SAG: variants seen among roughly 807,000 people sequenced by gnomAD.
The protein encoded by SAG is S-antigen visual arrestin.
SAG carries 45 observed loss-of-function variants against 55.0 expected under a neutral mutation model. The observed-to-expected ratio is 0.82, with a 90% confidence interval of 0.64 to 1.05. The LOEUF is 1.05. SAG is among the 50% of genes least tolerant of loss of function. SAG has a pLI of 0.00. For missense variants in SAG, 455 were observed against 512.1 expected (o/e 0.89, Z 1.08); for synonymous variants, 189 against 197.4 (o/e 0.96, Z 0.36).
intron 6 of SAG, 107 bp downstream of exon 6, chr2:233,323,112 G>A: frequency 1.4e-6 from 1 of 739,744 alleles, no homozygotes; most frequent in Non-Finnish European, 2.3e-6. Flanking sequence ...ATGCTGGGGT[G>A]CAGTGGCGTG....
rs532666993 is a variant in SAG, at chr2:233,322,030, C to T, written c.376-916C>T. Among the ~76,000 whole-genome samples the T allele has an allele frequency of 8.4e-5, 9 of 106,716 alleles. No homozygotes were observed. The East Asian group carries it at 2.2e-3, about 26-fold the overall frequency. The allele number at this position is 106,716 out of a possible 152,430, so 70.0% of individuals were successfully genotyped here. ...ACACACACACACACACACACACACA[C>T]ACACACATTAGTCAGGCGTGGTGGC... On this transcript the variant is annotated intron_variant, in intron 5 of 15. Transcript: ENST00000409110.
At chr2:233,328,363 G>T in intron 7 of SAG, 115 bp from the exon 8 acceptor site, 1 of 1,313,256 alleles carries the variant, frequency 7.6e-7, no homozygotes, top group South Asian at 1.4e-5. Flanking sequence ...CGTCCACCCT[G>T]TCTCCATGGG....
At chr2:233,344,107 G>A (rs988770919) in intron 14 of SAG, 1 of 152,400 alleles carries the variant, frequency 6.6e-6, no homozygotes, top group Non-Finnish European at 1.5e-5. Context: ...TAAAAAGATA[G>A]TCACTTGAGG....
intron 6 of SAG, among the ~76,000 whole-genome samples, chr2:233,324,804 G>A (rs1405764753): frequency 6.6e-6 from 1 of 152,206 alleles, no homozygotes; most frequent in East Asian, 1.9e-4. Context: ...TGGATTATGG[G>A]ATGGGCAGTG....
intron 10 of SAG, 33 bp downstream of exon 10, chr2:233,331,745 C>T (rs536971942): frequency 3.3e-6 from 5 of 1,495,584 alleles, no homozygotes; most frequent in East Asian, 2.3e-5. Context: ...GTTTCCTGGG[C>T]GTCTCAGCCT....
chr2:233,312,445 G>T (rs1448803129), intron 2 of SAG, among the ~76,000 whole-genome samples: 9 of 152,214 alleles, frequency 5.9e-5, no homozygotes, highest in Admixed American at 5.9e-4. Flanking sequence ...TGAGGATTAA[G>T]TGAAACCATG....
chr2:233,313,628 C>T (rs1391697795), intron 2 of SAG, among the ~76,000 whole-genome samples: 1 of 151,802 alleles, frequency 6.6e-6, no homozygotes. Context: ...TCACTGCAGC[C>T]TCAACCTCCT....
rs536965492 is a variant in SAG at position 233,338,902 on chromosome 2, T to C, written c.1022+149T>C. On this transcript the variant is annotated intron_variant, in intron 12 of 15. Transcript: ENST00000409110. The stretch of plus-strand genomic sequence containing the variant: ...ACCAAGTAGAGCTTGGGAGAGATTC[T>C]GTTTGTCTAGTACCATGCTTCTGTC... 9.1e-4 allele frequency: 673 copies of C among 740,014 alleles called. 6 individuals carry two copies. Among genetic ancestry groups the C allele is most frequent in the Non-Finnish European group, 8.3e-5 (34 of 408,466 alleles). The allele number at this position is 740,014 out of a possible 1,614,324, so 45.8% of individuals were successfully genotyped here.
At chr2:233,344,786 C>A (rs1394397928) in intron 14 of SAG, 1 of 152,192 alleles carries the variant, frequency 6.6e-6, no homozygotes, top group African/African-American at 2.4e-5. Flanking sequence ...TGTAGTTAAG[C>A]CCTGCTGGAG....
intron 5 of SAG, among the ~76,000 whole-genome samples, chr2:233,321,993 ACACACACACACAC>A: frequency 4.9e-5 from 1 of 20,612 alleles, no homozygotes; most frequent in Non-Finnish European, 1.1e-4. Context: ...AAATACACAC[ACACACACACACAC>A]ACACACACAC....
At chr2:233,332,753 C>A (rs940437799) in intron 10 of SAG, 1 of 152,012 alleles carries the variant, frequency 6.6e-6, no homozygotes, top group Non-Finnish European at 1.5e-5. Context: ...CCTTTGCCTC[C>A]TGGGTTCAAG....
Position 233,340,456 on chromosome 2 carries a change from T to C in SAG, c.1024T>C (p.Phe342Leu). The part of the protein sequence containing the change: ...QIKVKLTVSG[F>L]LGELTSSEVA... The stretch of plus-strand genomic sequence containing the variant: ...CAGGCGTTTGTTTGTGTTTTCTAGC[T>C]TTCTGGGAGAGCTCACCTCCAGGTA... The change falls in exon 13 of 16, where the codon TTT becomes CTT. Residue 342 changes from phenylalanine to leucine, a missense_variant and splice_region_variant. Physicochemically the swap from Phe to Leu is conservative, Grantham distance 22 (BLOSUM62 0). Coordinates refer to ENST00000409110, the MANE Select transcript of SAG (RefSeq NM_000541.5). The surrounding 1 kb of genome is among the most constrained non-coding windows in gnomAD (Gnocchi z 4.2). 1 of 1,611,344 alleles carries C rather than the reference T, an allele frequency of 6.2e-7. No homozygotes were observed.
At position 233,346,164 on chromosome 2, in the gene SAG, T is replaced by TAATAAAATAA. The variant is rs71058547; in HGVS notation, c.1103-234_1103-225dup. The TAATAAAATAA allele has an allele frequency of 0.31, 62,335 of 203,814 alleles. 11,322 individuals are homozygous for TAATAAAATAA. The highest frequency in any genetic ancestry group is 0.42 in the South Asian group (2,293 of 5,404). The allele number at this position is 203,814 out of a possible 1,614,324, so 12.6% of individuals were successfully genotyped here. ...AGAGACAGTCTCAAATAAAATAAAA[T>TAATAAAATAA]AATAAAATAAAATATAAAATAAATA... is the stretch of plus-strand genomic sequence containing the variant. On this transcript the variant is annotated intron_variant, in intron 14 of 15. Transcript: ENST00000409110.
At position 233,309,242 on chromosome 2, in the gene SAG, A is replaced by T; in HGVS notation, c.53A>T (p.Lys18Met). The T allele has an allele frequency of 6.2e-7, 1 of 1,613,834 alleles. No individual in the cohort carries two copies. The highest frequency in any genetic ancestry group is 8.5e-7 in the Non-Finnish European group (1 of 1,179,758). Residue 18 changes from lysine to methionine, a missense_variant, in exon 2 of 16, where the codon AAG becomes ATG. Transcript: ENST00000409110. ...SKSEPNHVIF[K>M]KISRDKSVTI... is the part of the protein sequence containing the mutation. ...TCCGAACCGAACCATGTTATCTTCA[A>T]GAAGATCTCCCGGGACAAATCGGTG...
chr2:233,313,863 T>C (rs892563428), intron 2 of SAG, among the ~76,000 whole-genome samples: 17 of 149,368 alleles, frequency 1.1e-4, no homozygotes, highest in African/African-American at 4.2e-4. Flanking sequence ...CCACTGTACC[T>C]GGCCAGAGGA....
chr2:233,311,986 C>T (rs185166580), intron 2 of SAG, among the ~76,000 whole-genome samples: 331 of 152,160 alleles, frequency 2.2e-3, no homozygotes, highest in Non-Finnish European at 3.7e-3. Flanking sequence ...ATTAGCCGGG[C>T]GTGGTGGTGC....
intron 2 of SAG, among the ~76,000 whole-genome samples, chr2:233,310,172 G>A (rs1176680596): frequency 6.6e-6 from 1 of 152,206 alleles, no homozygotes; most frequent in East Asian, 1.9e-4. Context: ...AGCCTCTGTG[G>A]ATAGCTCCAC....
chr2:233,326,210 G>A (rs74420336), intron 6 of SAG, among the ~76,000 whole-genome samples: 11,224 of 152,244 alleles, frequency 0.074, 504 homozygotes, highest in Admixed American at 0.11. Flanking sequence ...CGTTCATTCA[G>A]CCCACACAAT....
intron 2 of SAG, among the ~76,000 whole-genome samples, chr2:233,312,941 G>C (rs1700117106): frequency 6.6e-6 from 1 of 152,244 alleles, no homozygotes; most frequent in Admixed American, 6.5e-5. Context: ...CCAAAGAGCA[G>C]GGACCTTGGG....
Sources: gnomAD v4.1 joint callset for allele counts (sites outside exome capture counted in the v4.1 genomes callset) on GRCh38, gnomAD v4.1.1 for gene constraint, Gnocchi (gnomAD v3.1) non-coding constraint, MANE v1.5 for transcripts, NCBI Gene and HGNC (gene_info 2026-07-23, HGNC 2026-07-21) for gene names.